Variants in PRELID2 observed in about 807,000 individuals in gnomAD.
PRELID2 encodes PRELI domain-containing protein 2.
A neutral mutation model predicts 28.4 loss-of-function variants in PRELID2; 25 were observed. That is an observed-to-expected ratio of 0.88 (90% CI 0.64 to 1.23). PRELID2 has a LOEUF of 1.23. Among genes scored for constraint, PRELID2 ranks in the 50% most tolerant of loss-of-function variants. The probability of loss-of-function intolerance (pLI) is 0.00; values close to 1 mark genes in which losing one functional copy is unlikely to be tolerated. For missense variants in PRELID2, 201 were observed against 214.4 expected (o/e 0.94, Z 0.39); for synonymous variants, 76 against 71.6 (o/e 1.06, Z -0.31).
the PRELID2 span, among the ~76,000 whole-genome samples, chr5:145,256,655 A>G: frequency 7.9e-5 from 12 of 152,044 alleles, no homozygotes; most frequent in Non-Finnish European, 1.6e-4. Context: ...CCCAGACAGG[A>G]AAAACACAAA....
Position 145,731,854 on chromosome 5 carries a change from A to G in PRELID2, n.70+33077T>C, listed in dbSNP as rs1756356957. On this transcript the variant is annotated intron_variant and non_coding_transcript_variant, in intron 1 of 2. Transcript: ENST00000510259. ...GAACCCTCAGGAGTAGAAGGGAGAT[A>G]AGGAGATTAAAGACAGCAGAAGCCT... 2.0e-5 allele frequency among the ~76,000 whole-genome samples: 3 copies of G among 152,168 alleles called. No homozygotes were observed. In the South Asian group the frequency reaches 6.2e-4, roughly 32 times the overall value.
At chr5:145,406,900 T>G in the PRELID2 span, among the ~76,000 whole-genome samples, 24 of 152,048 alleles carry the variant, frequency 1.6e-4, no homozygotes, top group Admixed American at 1.6e-3. Context: ...GAAAAAGCAG[T>G]GAGAAGAGCC....
At chr5:145,381,594 G>C in the PRELID2 span, 1 of 152,350 alleles carries the variant, frequency 6.6e-6, no homozygotes, top group Non-Finnish European at 1.5e-5. Flanking sequence ...CACCGTAGAG[G>C]AGAACAAATT....
intron 1 of PRELID2, among the ~76,000 whole-genome samples, chr5:145,701,944 G>A (rs912977168): frequency 9.9e-5 from 15 of 152,048 alleles, no homozygotes; most frequent in African/African-American, 2.7e-4. Context: ...CCAGGTACTC[G>A]GGAGGCCAAG....
At chr5:145,415,280 CT>C in the PRELID2 span, among the ~76,000 whole-genome samples, 4 of 150,948 alleles carry the variant, frequency 2.6e-5, no homozygotes, top group Non-Finnish European at 4.4e-5. Context: ...TTCTTTTTTT[CT>C]TTTTTTTATT....
rs1757336587 is a variant in PRELID2, at chr5:145,758,728, G to C, written c.*1808C>G. ...GCCTACCAAATGCCATCTACAAATT[G>C]GAAAAAAAAGGTCAAAGTGTGTTTT... On this transcript the variant is annotated 3_prime_UTR_variant, in exon 7 of 7. Coordinates refer to ENST00000683046, the MANE Select transcript of PRELID2 (RefSeq NM_205846.3). Among the ~76,000 whole-genome samples the C allele has an allele frequency of 6.6e-6, 1 of 151,296 alleles. No individual in the cohort carries two copies. The highest frequency in any genetic ancestry group is 1.5e-5 in the Non-Finnish European group (1 of 67,800).
At chr5:145,532,101 C>T (rs1021691765) in intron 1 of PRELID2, among the ~76,000 whole-genome samples, 1 of 152,122 alleles carries the variant, frequency 6.6e-6, no homozygotes, top group Non-Finnish European at 1.5e-5. Context: ...TCATCGTCAT[C>T]ATCATTTTCC....
the PRELID2 span, among the ~76,000 whole-genome samples, chr5:145,285,969 A>T: frequency 6.6e-6 from 1 of 152,216 alleles, no homozygotes; most frequent in African/African-American, 2.4e-5. Context: ...TTTGGCTCTG[A>T]GCACACAGAT....
chr5:145,799,810 G>A (rs1480462254), intron 4 of PRELID2, among the ~76,000 whole-genome samples: 1 of 152,096 alleles, frequency 6.6e-6, no homozygotes, highest in Non-Finnish European at 1.5e-5. Flanking sequence ...TGTCTTCTGA[G>A]GACACCAAGT....
downstream of PRELID2, among the ~76,000 whole-genome samples, chr5:145,467,296 CAG>C (rs1752011071): frequency 6.6e-6 from 1 of 152,128 alleles, no homozygotes; most frequent in South Asian, 2.1e-4. Flanking sequence ...ATGGAATTCC[CAG>C]TGCTCTGGCA....
At chr5:145,761,680 T>C (rs998707535) in intron 6 of PRELID2, among the ~76,000 whole-genome samples, 5 of 152,228 alleles carry the variant, frequency 3.3e-5, no homozygotes, top group Admixed American at 6.5e-5. Flanking sequence ...ACTCTGCAGT[T>C]GTAGCTTTGA....
chr5:145,699,904 C>T (rs1284457881), intron 1 of PRELID2, among the ~76,000 whole-genome samples: 1 of 152,242 alleles, frequency 6.6e-6, no homozygotes, highest in South Asian at 2.1e-4. Context: ...GTTTCCTGGT[C>T]CCAAAGGGGT....
intron 1 of PRELID2, among the ~76,000 whole-genome samples, chr5:145,492,106 C>T (rs746086206): frequency 6.6e-6 from 1 of 152,102 alleles, no homozygotes; most frequent in Non-Finnish European, 1.5e-5. Flanking sequence ...TTTTGAGAAA[C>T]CGCCATACTA....
Position 145,830,184 on chromosome 5 carries a change from T to C in PRELID2, c.75+4993A>G, listed in dbSNP as rs985439157. ...TATGTTCCAGGATCTCTTTGGGTAATTGGGATACATCAGAAACAAATGACA... is the reference window on the plus strand; with the variant it reads ...TATGTTCCAGGATCTCTTTGGGTAACTGGGATACATCAGAAACAAATGACA... On this transcript the variant is annotated intron_variant, in intron 1 of 6. Coordinates refer to ENST00000683046, the MANE Select transcript of PRELID2 (RefSeq NM_205846.3). 5.9e-5 allele frequency among the ~76,000 whole-genome samples: 9 copies of C among 152,304 alleles called. No individual in the cohort carries two copies. The East Asian group carries it at 9.6e-4, about 16-fold the overall frequency.
In PRELID2 at chr5:145,728,360, A is replaced by G. The variant is rs1756236383; in HGVS notation, n.70+36571T>C. Reference sequence around the variant, plus strand: ...TCTATCTCTACTTACTTATCTCTACATCTTCCTGGAAACCTTTTTTATGGC... The same window carrying G: ...TCTATCTCTACTTACTTATCTCTACGTCTTCCTGGAAACCTTTTTTATGGC... On this transcript the variant is annotated intron_variant and non_coding_transcript_variant, in intron 1 of 2. Coordinates refer to the PRELID2 transcript ENST00000510259. The G allele has an allele frequency of 2.5e-5, 10 of 402,044 alleles. No individual in the cohort carries two copies. In the South Asian group the frequency reaches 2.5e-4, roughly 10 times the overall value. The allele number at this position is 402,044 out of a possible 1,614,324, so 24.9% of individuals were successfully genotyped here. A position where few individuals can be genotyped will look rare whatever the true frequency, so the allele number is the denominator to read the frequency against.
rs554070924 is a variant in PRELID2, at chr5:145,615,350, C to T, written n.71-142035G>A. On this transcript the variant is annotated intron_variant and non_coding_transcript_variant, in intron 1 of 2. Coordinates refer to the PRELID2 transcript ENST00000510259. ...TTGTTTTTTTTTTTTTTTTTTGAGA[C>T]GGAGTCTCGCTGTCGCCCAGGCTGG... 1.0e-4 allele frequency among the ~76,000 whole-genome samples: 11 copies of T among 109,302 alleles called. 1 individual carries two copies. In the East Asian group the frequency reaches 1.1e-3, roughly 11 times the overall value. 71.7% of individuals were successfully genotyped at this position (109,302 alleles called of 152,430 possible).
chr5:145,514,205 T>C (rs1243642889), intron 1 of PRELID2, among the ~76,000 whole-genome samples: 2 of 151,468 alleles, frequency 1.3e-5, no homozygotes, highest in African/African-American at 2.4e-5. Flanking sequence ...ACTGGCAAAT[T>C]GGATAGTCAA....
chr5:145,675,902 ATG>A (rs767607130), intron 1 of PRELID2, among the ~76,000 whole-genome samples: 21 of 152,234 alleles, frequency 1.4e-4, no homozygotes, highest in Non-Finnish European at 3.1e-4. Context: ...CACAACAAAT[ATG>A]TGAGTTGATA....
chr5:145,605,854 G>A (rs1165030668), intron 1 of PRELID2, among the ~76,000 whole-genome samples: 1 of 151,930 alleles, frequency 6.6e-6, no homozygotes, highest in Non-Finnish European at 1.5e-5. Context: ...ATTTTGCTTT[G>A]AGCGGGATGG....
Sources: gnomAD v4.1 joint callset for allele counts (sites outside exome capture counted in the v4.1 genomes callset) on GRCh38, gnomAD v4.1.1 for gene constraint, MANE v1.5 for transcripts, NCBI Gene and HGNC (gene_info 2026-07-23, HGNC 2026-07-21) for gene names.